ZFAT: variants seen among roughly 807,000 people sequenced by gnomAD.
ZFAT encodes the protein zinc finger and AT-hook domain containing.
A neutral mutation model predicts 117.7 loss-of-function variants in ZFAT; 64 were observed. That is an observed-to-expected ratio of 0.54 (90% CI 0.44 to 0.67). The LOEUF (loss-of-function observed/expected upper bound fraction) is 0.67. Ranked by LOEUF, ZFAT falls within the 30% of genes least tolerant of loss-of-function variation. The pLI, the probability that ZFAT is intolerant of heterozygous loss-of-function variation, is 0.00. For synonymous variants in ZFAT, 679 were observed against 615.0 expected (o/e 1.10, Z -1.54); for missense variants, 1,433 against 1,584.5 (o/e 0.90, Z 1.62).
At chr8:134,773,846 T>C in the ZFAT span, among the ~76,000 whole-genome samples, 76 of 152,320 alleles carry the variant, frequency 5.0e-4, 2 homozygotes, top group South Asian at 3.7e-3. Context: ...TTGCTTTTTA[T>C]GGATAAACAA....
the ZFAT span, among the ~76,000 whole-genome samples, chr8:134,762,777 T>C: frequency 2.0e-5 from 3 of 152,336 alleles, no homozygotes; most frequent in African/African-American, 7.2e-5. Context: ...TTTTTGAACC[T>C]AACATGTCTA....
upstream of ZFAT, among the ~76,000 whole-genome samples, chr8:134,715,258 CAAATT>C (rs1221682403): frequency 3.9e-5 from 6 of 152,156 alleles, no homozygotes; most frequent in South Asian, 2.1e-4. Context: ...CTGCTGAAGA[CAAATT>C]AAAAGAAGAA....
rs10680896 is a variant in ZFAT at position 134,550,310 on chromosome 8, G to GAAAAAA, written c.2976+15017_2976+15022dup. On this transcript the variant is annotated intron_variant, in intron 11 of 15. Transcript: ENST00000377838. ...ATTCCATCCAGGGTTGGTCACAACG[G>GAAAAAA]AAAAAAAAAAAAAAAAAAAAAACAG... is the stretch of plus-strand genomic sequence containing the variant. Among the ~76,000 whole-genome samples, 169 of 72,502 alleles carry GAAAAAA rather than the reference G, an allele frequency of 2.3e-3. 16 individuals carry two copies. Among genetic ancestry groups the GAAAAAA allele is most frequent in the East Asian group, 9.8e-3 (20 of 2,046 alleles). 47.6% of individuals were successfully genotyped at this position (72,502 alleles called of 152,430 possible). A position where few individuals can be genotyped will look rare whatever the true frequency, so the allele number is the denominator to read the frequency against.
chr8:134,610,253 G>T (rs573232679), intron 4 of ZFAT, among the ~76,000 whole-genome samples: 66 of 152,334 alleles, frequency 4.3e-4, no homozygotes, highest in African/African-American at 1.5e-3. Context: ...AGCAAGAGCA[G>T]CGGCCCTCAC....
At chr8:134,491,778 C>T (rs1211849806) in intron 15 of ZFAT, among the ~76,000 whole-genome samples, 1 of 152,180 alleles carries the variant, frequency 6.6e-6, no homozygotes, top group Non-Finnish European at 1.5e-5. Context: ...GGATAATCTC[C>T]CCATCTTGGA....
the ZFAT span, among the ~76,000 whole-genome samples, chr8:134,775,131 ACAAACAAAAACAAC>A: frequency 6.6e-6 from 1 of 152,216 alleles, no homozygotes; most frequent in East Asian, 1.9e-4. Context: ...ACAAAAACAA[ACAAACAAAAACAAC>A]AGAAAAACAA....
intron 12 of ZFAT, among the ~76,000 whole-genome samples, chr8:134,526,085 T>C (rs956272611): frequency 2.6e-5 from 4 of 152,186 alleles, no homozygotes; most frequent in African/African-American, 9.6e-5. Flanking sequence ...GCTTCTCCTA[T>C]AAAGACTTAA....
chr8:134,577,023 C>T (rs1251267523), intron 10 of ZFAT, among the ~76,000 whole-genome samples: 3 of 152,166 alleles, frequency 2.0e-5, no homozygotes, highest in Admixed American at 1.3e-4. Flanking sequence ...TACAGCTTAA[C>T]CTTCCCCATC....
chr8:134,809,718 T>C, the ZFAT span, among the ~76,000 whole-genome samples: 2 of 152,198 alleles, frequency 1.3e-5, no homozygotes, highest in East Asian at 1.9e-4. Flanking sequence ...ACTGTCTGCA[T>C]AGGAATGCTT....
the ZFAT span, among the ~76,000 whole-genome samples, chr8:134,738,612 C>T: frequency 1.3e-5 from 2 of 151,950 alleles, no homozygotes; most frequent in Non-Finnish European, 2.9e-5. Flanking sequence ...GGAATCAATG[C>T]CATGAAGGAG....
At chr8:134,480,399 G>A (rs1329521077) in intron 15 of ZFAT, among the ~76,000 whole-genome samples, 1 of 152,222 alleles carries the variant, frequency 6.6e-6, no homozygotes. Flanking sequence ...GCAGGACCAT[G>A]TCTGCCTGGT....
At chr8:134,723,760 CATT>C in the ZFAT span, 1 of 152,210 alleles carries the variant, frequency 6.6e-6, no homozygotes, top group Non-Finnish European at 1.5e-5. Flanking sequence ...GACGAACACA[CATT>C]TCAACCTGTA....
intron 1 of ZFAT, among the ~76,000 whole-genome samples, chr8:134,711,930 A>G (rs932165915): frequency 2.0e-5 from 3 of 152,228 alleles, no homozygotes; most frequent in Non-Finnish European, 4.4e-5. Context: ...ATGAACTGGT[A>G]GGCTCGGAAG....
chr8:134,510,083 G>A (rs1037649588), intron 14 of ZFAT: 5 of 465,240 alleles, frequency 1.1e-5, no homozygotes, highest in Middle Eastern at 3.2e-4. Flanking sequence ...CCTAACATGC[G>A]GACATGTGGC....
At chr8:134,489,934 A>G (rs1325139949) in intron 15 of ZFAT, among the ~76,000 whole-genome samples, 4 of 152,150 alleles carry the variant, frequency 2.6e-5, no homozygotes. Flanking sequence ...TTCTCAAAGC[A>G]AAAGGCTTAG....
chr8:134,711,706 C>CT (rs1288600689), intron 1 of ZFAT, among the ~76,000 whole-genome samples: 1 of 152,242 alleles, frequency 6.6e-6, no homozygotes, highest in Non-Finnish European at 1.5e-5. Context: ...TGGGCCCACT[C>CT]TGTCACTCCA....
intron 1 of ZFAT, among the ~76,000 whole-genome samples, chr8:134,668,016 C>T (rs952992758): frequency 2.0e-5 from 3 of 152,206 alleles, no homozygotes; most frequent in Admixed American, 6.5e-5. Flanking sequence ...ATTGCTAGCA[C>T]GGCAGTCTGA....
chr8:134,717,799 G>T (rs949111847), upstream of ZFAT, among the ~76,000 whole-genome samples: 4 of 151,898 alleles, frequency 2.6e-5, no homozygotes, highest in African/African-American at 4.8e-5. Flanking sequence ...CCAGGATTCA[G>T]GCCTCCTGCC....
At chr8:134,826,443 C>A in the ZFAT span, among the ~76,000 whole-genome samples, 1 of 152,164 alleles carries the variant, frequency 6.6e-6, no homozygotes, top group Non-Finnish European at 1.5e-5. Flanking sequence ...AAAATCCTCA[C>A]ATGTAAAATA....
Sources: allele counts gnomAD v4.1 joint callset (sites outside exome capture counted in the v4.1 genomes callset), GRCh38; gene constraint gnomAD v4.1.1; transcripts MANE v1.5; gene names NCBI Gene and HGNC (gene_info 2026-07-23, HGNC 2026-07-21).